FOXP2: variants seen among roughly 807,000 people sequenced by gnomAD.
FOXP2 encodes the protein forkhead box P2, also known as forkhead box protein P2.
A neutral mutation model predicts 115.8 loss-of-function variants in FOXP2; 12 were observed. That is an observed-to-expected ratio of 0.10 (90% confidence interval 0.07 to 0.17). The LOEUF is 0.17. FOXP2 is among the 10% of genes least tolerant of loss of function. The pLI is 1.00. For missense variants in FOXP2, 629 were observed against 843.5 expected (o/e 0.75, Z 3.15); for synonymous variants, 328 against 297.7 (o/e 1.10, Z -1.05).
At chr7:114,370,176 T>C (rs559333733) in intron 2 of FOXP2, among the ~76,000 whole-genome samples, 1 of 152,342 alleles carries the variant, frequency 6.6e-6, no homozygotes, top group African/African-American at 2.4e-5. Context: ...TCCCCCTTAC[T>C]TTCAACTTTT....
chr7:114,337,658 T>G (rs900057411), intron 2 of FOXP2, among the ~76,000 whole-genome samples: 58 of 151,256 alleles, frequency 3.8e-4, no homozygotes, highest in South Asian at 1.0e-3. Context: ...TTCTCAGCAG[T>G]TCCTGATGTC....
intron 2 of FOXP2, among the ~76,000 whole-genome samples, chr7:114,293,536 G>A (rs1442551642): frequency 6.6e-6 from 1 of 152,134 alleles, no homozygotes; most frequent in Non-Finnish European, 1.5e-5. Flanking sequence ...ATATAATTTG[G>A]CTGTGTCAGC....
At chr7:114,201,974 A>T (rs1794078898) in intron 1 of FOXP2, among the ~76,000 whole-genome samples, 1 of 152,210 alleles carries the variant, frequency 6.6e-6, no homozygotes, top group African/African-American at 2.4e-5. Context: ...TCTTCCCTGG[A>T]AACTATACTC....
chr7:114,313,329 G>A (rs994106197), intron 2 of FOXP2, among the ~76,000 whole-genome samples: 3 of 152,152 alleles, frequency 2.0e-5, no homozygotes, highest in African/African-American at 7.2e-5. Flanking sequence ...TACTTCCACT[G>A]ATTATTTGGA....
chr7:114,380,226 C>T (rs1792254326), intron 2 of FOXP2, among the ~76,000 whole-genome samples: 1 of 152,140 alleles, frequency 6.6e-6, no homozygotes. Flanking sequence ...GATAGGTGTT[C>T]CCTCAGAAGT....
At chr7:114,214,689 AC>A (rs1794444895) in intron 1 of FOXP2, among the ~76,000 whole-genome samples, 1 of 152,090 alleles carries the variant, frequency 6.6e-6, no homozygotes. Context: ...TTGCTCAGTC[AC>A]TGCCTTCCCC....
chr7:114,622,427 C>G (rs1229952634), intron 3 of FOXP2, among the ~76,000 whole-genome samples: 2 of 151,744 alleles, frequency 1.3e-5, no homozygotes, highest in East Asian at 1.9e-4. Context: ...GAATAAGAAC[C>G]AGGAGAGCAA....
At chr7:114,349,489 G>T (rs1291672762) in intron 2 of FOXP2, among the ~76,000 whole-genome samples, 1 of 152,072 alleles carries the variant, frequency 6.6e-6, no homozygotes, top group Non-Finnish European at 1.5e-5. Flanking sequence ...CCCATTAGAT[G>T]AAAGAGTAGC....
At chr7:114,459,520 CT>C (rs1795466892) in intron 2 of FOXP2, among the ~76,000 whole-genome samples, 1 of 152,200 alleles carries the variant, frequency 6.6e-6, no homozygotes, top group African/African-American at 2.4e-5. Context: ...ATATTTTATT[CT>C]AGATTTCCGA....
intron 1 of FOXP2, among the ~76,000 whole-genome samples, chr7:114,203,636 G>A (rs1367436740): frequency 1.3e-5 from 2 of 152,098 alleles, no homozygotes; most frequent in African/African-American, 4.8e-5. Flanking sequence ...GAGCCACCAT[G>A]CCTGGCAGCA....
chr7:114,141,690 T>C (rs1792212084), intron 1 of FOXP2, among the ~76,000 whole-genome samples: 1 of 152,160 alleles, frequency 6.6e-6, no homozygotes, highest in South Asian at 2.1e-4. Context: ...CCTTTGTGTG[T>C]GGCGGCATGA....
At chr7:114,426,449 T>A in intron 1 of FOXP2, 53 bp from the exon 2 acceptor site, 1 of 1,539,114 alleles carries the variant, frequency 6.5e-7, no homozygotes, top group Non-Finnish European at 9.0e-7. Flanking sequence ...ATCTTGATAA[T>A]GGAAGTGTGA....
At chr7:114,193,166 C>A (rs536977645) in intron 1 of FOXP2, among the ~76,000 whole-genome samples, 2 of 151,864 alleles carry the variant, frequency 1.3e-5, no homozygotes, top group East Asian at 3.9e-4. Flanking sequence ...AATACTGTAA[C>A]GTAATTTGTG....
intron 2 of FOXP2, among the ~76,000 whole-genome samples, chr7:114,475,177 A>G (rs192417672): frequency 6.6e-6 from 1 of 152,126 alleles, no homozygotes; most frequent in East Asian, 1.9e-4. Context: ...ACAAATTGAT[A>G]TATAGTTAAA....
chr7:114,411,681 T>C (rs1739893478), upstream of FOXP2, among the ~76,000 whole-genome samples: 1 of 152,160 alleles, frequency 6.6e-6, no homozygotes, highest in Admixed American at 6.6e-5. Context: ...CCTGTTAGTT[T>C]GTTCTGCTGC....
chr7:114,689,481 CAT>C (rs887833861), intron 16 of FOXP2, among the ~76,000 whole-genome samples: 12 of 152,102 alleles, frequency 7.9e-5, no homozygotes, highest in African/African-American at 2.7e-4. Flanking sequence ...CCTTGATTAT[CAT>C]GTTATAACAA....
chr7:114,336,938 T>G (rs981158359), intron 2 of FOXP2, among the ~76,000 whole-genome samples: 1 of 151,598 alleles, frequency 6.6e-6, no homozygotes. Flanking sequence ...TCATCCAGTT[T>G]AATAATTCAA....
intron 2 of FOXP2, among the ~76,000 whole-genome samples, chr7:114,329,930 C>T (rs1051240339): frequency 7.2e-5 from 11 of 152,156 alleles, no homozygotes; most frequent in African/African-American, 1.4e-4. Flanking sequence ...CCACCTCAGC[C>T]TCCCAAAGTG....
intron 2 of FOXP2, among the ~76,000 whole-genome samples, chr7:114,475,707 T>A (rs780073663): frequency 1.3e-5 from 2 of 152,044 alleles, no homozygotes; most frequent in Non-Finnish European, 2.9e-5. Context: ...ATACTTTTCC[T>A]TAATTAATAA....
Sources: gnomAD v4.1 joint callset for allele counts (sites outside exome capture counted in the v4.1 genomes callset) on GRCh38, gnomAD v4.1.1 for gene constraint, MANE v1.5 for transcripts, NCBI Gene and HGNC (gene_info 2026-07-23, HGNC 2026-07-21) for gene names.